Variants in SEMA6A observed in about 807,000 individuals in gnomAD.
SEMA6A encodes the protein semaphorin 6A, also known as semaphorin-6A.
In SEMA6A, 25 loss-of-function variants were observed where a neutral mutation model predicts 96.8. The observed-to-expected ratio is 0.26, with a 90% CI of 0.19 to 0.36. The LOEUF (loss-of-function observed/expected upper bound fraction) is 0.36. SEMA6A is among the 10% of genes least tolerant of loss of function. SEMA6A has a pLI of 1.00. For synonymous variants in SEMA6A, 612 were observed against 518.0 expected, an observed-to-expected ratio of 1.18 and a Z score of -2.46; for missense variants, 1,363 against 1,323.1, an observed-to-expected ratio of 1.03 and a Z score of -0.47.
chr5:116,497,168 A>G (rs1757643116), intron 4 of SEMA6A, among the ~76,000 whole-genome samples, 159 bp downstream of exon 4: 1 of 152,240 alleles, frequency 6.6e-6, no homozygotes, highest in African/African-American at 2.4e-5. Context: ...AACATGTATC[A>G]AATCCTAACC....
chr5:116,456,196 A>C (rs1277290862), intron 18 of SEMA6A, among the ~76,000 whole-genome samples: 1 of 152,208 alleles, frequency 6.6e-6, no homozygotes, highest in Non-Finnish European at 1.5e-5. Flanking sequence ...TGTCTGAATC[A>C]GTGCCACTCA....
chr5:116,528,507 T>A (rs2112833768), intron 1 of SEMA6A, among the ~76,000 whole-genome samples: 1 of 152,284 alleles, frequency 6.6e-6, no homozygotes, highest in Non-Finnish European at 1.5e-5. Context: ...TGAAACTGAC[T>A]AGGCGCTCAA....
At chr5:116,553,640 A>G (rs1384321820) in intron 1 of SEMA6A, among the ~76,000 whole-genome samples, 1 of 152,184 alleles carries the variant, frequency 6.6e-6, no homozygotes, top group African/African-American at 2.4e-5. Flanking sequence ...AATGGACTCA[A>G]TAGTACCCGG....
At chr5:116,498,512 A>C (rs1209681324) in intron 3 of SEMA6A, 1 of 140,370 alleles carries the variant, frequency 7.1e-6, no homozygotes, top group Non-Finnish European at 1.5e-5. Context: ...ATATAAAACG[A>C]GCGGGAAGGG....
intron 18 of SEMA6A, among the ~76,000 whole-genome samples, chr5:116,457,961 G>A (rs1755122160): frequency 6.6e-6 from 1 of 152,142 alleles, no homozygotes; most frequent in African/African-American, 2.4e-5. Context: ...TACGTAGTTT[G>A]AGGCCAGTCT....
At chr5:116,480,349 G>C (rs1756687824) in intron 11 of SEMA6A, 72 bp from the exon 12 acceptor site, 1 of 1,555,552 alleles carries the variant, frequency 6.4e-7, no homozygotes, top group Admixed American at 1.7e-5. Flanking sequence ...TGAATGAACT[G>C]CTTCTCTAAG....
At chr5:116,552,683 A>T (rs1760466240) in intron 1 of SEMA6A, among the ~76,000 whole-genome samples, 1 of 152,158 alleles carries the variant, frequency 6.6e-6, no homozygotes, top group Admixed American at 6.5e-5. Context: ...TTCAAAACCG[A>T]TCTATTTCGG....
chr5:116,457,389 T>A (rs72810790), intron 18 of SEMA6A, among the ~76,000 whole-genome samples: 2,890 of 152,300 alleles, frequency 0.019, 43 homozygotes, highest in Non-Finnish European at 0.03. Flanking sequence ...TTGTCAGTGG[T>A]TGACTATACC....
chr5:116,464,719 A>G (rs527400950), intron 18 of SEMA6A, among the ~76,000 whole-genome samples: 2 of 152,374 alleles, frequency 1.3e-5, no homozygotes, highest in East Asian at 1.9e-4. Context: ...AGGGACGCAC[A>G]GGATTAAATC....
At chr5:116,498,726 ATTAC>A (rs1488839689) in intron 3 of SEMA6A, 1 of 152,126 alleles carries the variant, frequency 6.6e-6, no homozygotes, top group African/African-American at 2.4e-5. Flanking sequence ...GCATTTGTTT[ATTAC>A]TTGCTTGACT....
At chr5:116,508,119 T>C (rs1426096528) in intron 1 of SEMA6A, 1 of 152,210 alleles carries the variant, frequency 6.6e-6, no homozygotes, top group African/African-American at 2.4e-5. Context: ...ATGAGCCAAA[T>C]GAACCATGCA....
rs1761102705 is a variant in SEMA6A at position 116,568,747 on chromosome 5, CCACTGGAAAAACAACA to C, written c.-39+5422_-39+5437del. On this transcript the variant is annotated intron_variant, in intron 1 of 18. Coordinates refer to ENST00000343348, the MANE Select transcript of SEMA6A (RefSeq NM_020796.5). ...ATGAACAGGCTCCAATCCATCACTA[CCACTGGAAAAACAACA>C]CAGTGAATGTTCCACTAATGATGCA... Among the ~76,000 whole-genome samples, 3 of 152,154 alleles carry C rather than the reference CCACTGGAAAAACAACA, an allele frequency of 2.0e-5. No individual in the cohort carries two copies. The South Asian group carries it at 6.2e-4, about 32-fold the overall frequency.
chr5:116,486,343 C>G (rs1270982999), intron 10 of SEMA6A, among the ~76,000 whole-genome samples: 1 of 152,162 alleles, frequency 6.6e-6, no homozygotes, highest in Non-Finnish European at 1.5e-5. Context: ...ACAGGACGAA[C>G]ATTCTTGAGT....
At chr5:116,544,086 A>G (rs1170962671) in intron 1 of SEMA6A, among the ~76,000 whole-genome samples, 1 of 152,206 alleles carries the variant, frequency 6.6e-6, no homozygotes, top group African/African-American at 2.4e-5. Context: ...TTGAATTTGA[A>G]GGCTCACCTT....
chr5:116,518,557 T>C (rs773378075), intron 1 of SEMA6A, among the ~76,000 whole-genome samples: 1 of 152,160 alleles, frequency 6.6e-6, no homozygotes, highest in African/African-American at 2.4e-5. Context: ...ACTAAAGTGC[T>C]GAGGGTCAGA....
At chr5:116,486,617 T>C (rs1356609748) in intron 10 of SEMA6A, 132 bp downstream of exon 10, 1 of 698,938 alleles carries the variant, frequency 1.4e-6, no homozygotes, top group Non-Finnish European at 2.5e-6. Context: ...AACTAAGTGT[T>C]AAGTGCTTCT....
At chr5:116,560,046 CCCCTT>C (rs1450231828) in intron 1 of SEMA6A, among the ~76,000 whole-genome samples, 3 of 152,208 alleles carry the variant, frequency 2.0e-5, no homozygotes, top group Non-Finnish European at 4.4e-5. Context: ...CACCAGGAGG[CCCCTT>C]GCTGTTCTGG....
chr5:116,552,769 A>G (rs1249782015), intron 1 of SEMA6A, among the ~76,000 whole-genome samples: 1 of 152,258 alleles, frequency 6.6e-6, no homozygotes, highest in African/African-American at 2.4e-5. Context: ...CAAATCCAAT[A>G]GAAAATAATT....
Position 116,444,659 on chromosome 5 carries a change from A to G in SEMA6A, c.*1954T>C, listed in dbSNP as rs1192266798. The G allele has an allele frequency of 6.6e-6, 1 of 152,572 alleles. No individual in the cohort carries two copies. The highest frequency in any genetic ancestry group is 2.4e-5 in the African/African-American group (1 of 41,418). 9.5% of individuals were successfully genotyped at this position (152,572 alleles called of 1,614,324 possible). A position where few individuals can be genotyped will look rare whatever the true frequency, so the allele number is the denominator to read the frequency against. ...CTCCCATCCCCTAAAAACATAATTA[A>G]CAAAATAAAAAATAAAATAAAAAAT... On this transcript the variant is annotated 3_prime_UTR_variant, in exon 19 of 19. Coordinates refer to ENST00000343348, the MANE Select transcript of SEMA6A (RefSeq NM_020796.5).
Sources: allele counts gnomAD v4.1 joint callset (sites outside exome capture counted in the v4.1 genomes callset), GRCh38; gene constraint gnomAD v4.1.1; transcripts MANE v1.5; gene names NCBI Gene and HGNC (gene_info 2026-07-23, HGNC 2026-07-21).